Variants in BTN2A1 observed in about 807,000 individuals in gnomAD.
BTN2A1 encodes butyrophilin subfamily 2 member A1, also known as butyrophilin, subfamily 2, member A1.
Under a neutral mutation model 34.5 loss-of-function variants are expected in BTN2A1, and 41 were observed. The observed-to-expected ratio is 1.19, with a 90% CI of 0.93 to 1.54. The LOEUF (loss-of-function observed/expected upper bound fraction) is 1.54. BTN2A1 is among the 40% of genes most tolerant of loss of function. BTN2A1 has a pLI of 0.00. For missense variants in BTN2A1, 642 were observed against 662.0 expected (o/e 0.97, Z 0.33); for synonymous variants, 267 against 258.6 (o/e 1.03, Z -0.31).
At chr6:26,476,105 C>T in intron 7 of BTN2A1, 8 of 1,534,704 alleles carry the variant, frequency 5.2e-6, no homozygotes, top group Non-Finnish European at 7.0e-6. Context: ...TCTCCTATGT[C>T]TCCTTTTGAG....
At chr6:26,467,906 G>T (rs190622395) in intron 7 of BTN2A1, 42 bp from the exon 8 acceptor site, 39 of 1,590,860 alleles carry the variant, frequency 2.5e-5, no homozygotes, top group Non-Finnish European at 3.1e-5. Context: ...AATCCCCAGG[G>T]TTCCTGAGAC....
Position 26,468,196 on chromosome 6 carries a change from G to C in BTN2A1, c.1231G>C (p.Gly411Arg). The C allele has an allele frequency of 6.2e-7, 1 of 1,614,204 alleles. No individual in the cohort carries two copies. The highest frequency in any genetic ancestry group is 8.5e-7 in the Non-Finnish European group (1 of 1,180,042). The change falls in exon 8 of 8, where the codon GGG (glycine) becomes CGG (arginine). Residue 411 changes from glycine to arginine, a missense_variant. Coordinates refer to ENST00000312541, the MANE Select transcript of BTN2A1 (RefSeq NM_007049.5). ...GVCRDSVERK[G>R]EVLLIPQNGF... ...CTGTAGAGACAGTGTTGAGAGGAAA[G>C]GGGAGGTCCTGCTGATTCCTCAGAA...
At chr6:26,472,704 C>T (rs374456717), downstream of BTN2A1, among the ~76,000 whole-genome samples, 7 of 152,244 alleles carry the variant, frequency 4.6e-5, no homozygotes, top group East Asian at 9.7e-4. Context: ...CTTATACCCA[C>T]GTTCAGCAGT....
exon 8 of BTN2A1, chr6:26,476,344 A>C (rs1763538120): frequency 1.3e-6 from 1 of 763,132 alleles, no homozygotes; most frequent in South Asian, 1.4e-5. Context: ...ACAGACTCAC[A>C]CCAGTATCTT....
intron 5 of BTN2A1, 173 bp from the exon 6 acceptor site, chr6:26,465,780 G>C (rs1763296094): frequency 1.0e-6 from 1 of 981,332 alleles, no homozygotes; most frequent in Admixed American, 6.1e-5. Context: ...CAATGTGCTG[G>C]TACTACCCAG....
Position 26,459,465 on chromosome 6 carries a change from C to A in BTN2A1, c.83-16C>A, listed in dbSNP as rs370801721. On this transcript the variant is annotated splice_polypyrimidine_tract_variant and intron_variant, in intron 2 of 7. Coordinates refer to ENST00000312541, the MANE Select transcript of BTN2A1 (RefSeq NM_007049.5). Reference sequence around the variant, plus strand: ...TGGCTGGTGTCTTTGTCTGACTCTACCCCTTTGTTGAACAGCCCAGTTTAT... The same window carrying A: ...TGGCTGGTGTCTTTGTCTGACTCTAACCCTTTGTTGAACAGCCCAGTTTAT... 2.6e-5 allele frequency: 42 copies of A among 1,610,444 alleles called. No homozygotes were observed. Among genetic ancestry groups the A allele is most frequent in the East Asian group, 4.5e-5 (2 of 44,830 alleles).
chr6:26,465,985 CT>C lies in BTN2A1; in HGVS notation c.955+15del, dbSNP rs1763302958. On this transcript the variant is annotated intron_variant, in intron 6 of 7. Transcript: ENST00000312541. ...TCAAGAAGAATTGCGTAAGTTTAGC[CT>C]TTCCTTAACTACATGTACAATTTGA... 1.2e-6 allele frequency: 2 copies of C among 1,614,106 alleles called. No individual in the cohort carries two copies. The highest frequency in any genetic ancestry group is 1.7e-6 in the Non-Finnish European group (2 of 1,180,028).
At chr6:26,461,951 A>C (rs6941966) in intron 3 of BTN2A1, among the ~76,000 whole-genome samples, 1 of 152,016 alleles carries the variant, frequency 6.6e-6, no homozygotes, top group Non-Finnish European at 1.5e-5. Flanking sequence ...ACCCTCAGAA[A>C]TCGAGGATGC....
chr6:26,468,098 G>A lies in BTN2A1; in HGVS notation c.1133G>A (p.Arg378Gln), dbSNP rs3734542. The A allele has an allele frequency of 0.091, 147,177 of 1,614,192 alleles. 8,046 individuals carry two copies. The highest frequency in any genetic ancestry group is 0.11 in the Non-Finnish European group (129,911 of 1,180,016). Residue 378 changes from arginine to glutamine, a missense_variant, in exon 8 of 8, where the codon CGG (arginine) becomes CAG (glutamine). Arg to Gln is a conservative substitution (Grantham distance 43). Transcript: ENST00000312541. ...GACAGTCAGCCTTGTGTCCTAGGCC[G>A]GGAGAGCTTCGCTTCAGGGAAACAT... ...RFDSQPCVLG[R>Q]ESFASGKHYW...
Position 26,469,065 on chromosome 6 carries a change from C to G in BTN2A1, c.*516C>G. The G allele has an allele frequency of 8.8e-7, 1 of 1,141,364 alleles. No homozygotes were observed. Among genetic ancestry groups the G allele is most frequent in the Middle Eastern group, 4.1e-4 (1 of 2,460 alleles). 70.7% of individuals were successfully genotyped at this position (1,141,364 alleles called of 1,614,324 possible). A position where few individuals can be genotyped will look rare whatever the true frequency, so the allele number is the denominator to read the frequency against. On this transcript the variant is annotated 3_prime_UTR_variant, in exon 8 of 8. Transcript: ENST00000312541. ...ACCAAGGTTGTAAGGGTGGCTAAGT[C>G]CCACCATAACAGCTAAGGGGACCTG...
chr6:26,475,827 A>G (rs1394548139), intron 7 of BTN2A1, among the ~76,000 whole-genome samples: 2 of 152,192 alleles, frequency 1.3e-5, no homozygotes, highest in African/African-American at 4.8e-5. Context: ...TGCAAACAGA[A>G]GAGCATTTAT....
downstream of BTN2A1, among the ~76,000 whole-genome samples, chr6:26,471,800 TGAG>T (rs202071349): frequency 2.4e-3 from 361 of 152,272 alleles, no homozygotes; most frequent in Middle Eastern, 0.01. Context: ...ACATTAAGGT[TGAG>T]GAGTCTATAT....
In BTN2A1 at chr6:26,459,685, C is replaced by T. The variant is rs764544705; in HGVS notation, c.287C>T (p.Thr96Ile). 2 of 1,614,118 alleles carry T rather than the reference C, an allele frequency of 1.2e-6. No homozygotes were observed. The highest frequency in any genetic ancestry group is 1.7e-6 in the Non-Finnish European group (2 of 1,180,016). Residue 96 changes from threonine (T) to isoleucine (I), a missense_variant, in exon 3 of 8, where the codon ACC (threonine) becomes ATC (isoleucine). Transcript: ENST00000312541. The part of the protein sequence containing the change: ...EEQMEEYRGR[T>I]TFVSKDISRG... ...CAGATGGAGGAGTACCGAGGAAGAA[C>T]CACCTTTGTGAGCAAAGACATCAGC... is the stretch of plus-strand genomic sequence containing the variant.
intron 3 of BTN2A1, chr6:26,462,890 A>G (rs746822698): frequency 3.5e-5 from 45 of 1,273,816 alleles, no homozygotes; most frequent in Non-Finnish European, 4.3e-5. Flanking sequence ...CGACACACCC[A>G]TCTCAAAGTG....
chr6:26,472,266 C>A (rs866861913), downstream of BTN2A1, among the ~76,000 whole-genome samples: 1 of 152,168 alleles, frequency 6.6e-6, no homozygotes, highest in African/African-American at 2.4e-5. Flanking sequence ...CTTAAATAAT[C>A]TGTCTGATAA....
chr6:26,463,775 G>T (rs113532248), intron 4 of BTN2A1, among the ~76,000 whole-genome samples: 1 of 146,700 alleles, frequency 6.8e-6, no homozygotes, highest in Non-Finnish European at 1.5e-5. Context: ...TGTTGTTGTT[G>T]TTTTTCCCCC....
In BTN2A1 at chr6:26,467,864, T is replaced by C. The variant is rs1312315785; in HGVS notation, c.983-84T>C. The C allele has an allele frequency of 5.8e-6, 9 of 1,565,030 alleles. No individual in the cohort carries two copies. In the African/African-American group the frequency reaches 6.8e-5, roughly 12 times the overall value. ...CTACGTGGGGATCCCTTCAGAGATA[T>C]CTGAGACCTCTCTGGGGATCAGGAA... is the stretch of plus-strand genomic sequence containing the variant. On this transcript the variant is annotated intron_variant, in intron 7 of 7. Transcript: ENST00000312541.
intron 7 of BTN2A1, 132 bp downstream of exon 7, chr6:26,466,220 C>T (rs533559947): frequency 1.5e-6 from 2 of 1,343,432 alleles, no homozygotes; most frequent in African/African-American, 2.9e-5. Context: ...AGTTCATCAA[C>T]AGTGTCCCAG....
At chr6:26,463,119 T>C in intron 3 of BTN2A1, 125 bp from the exon 4 acceptor site, 1 of 1,217,702 alleles carries the variant, frequency 8.2e-7, no homozygotes, top group Non-Finnish European at 1.1e-6. Context: ...TCTTCCTTCC[T>C]ATTTCTTGTT....
Sources: allele counts gnomAD v4.1 joint callset (sites outside exome capture counted in the v4.1 genomes callset), GRCh38; gene constraint gnomAD v4.1.1; transcripts MANE v1.5; gene names NCBI Gene and HGNC (gene_info 2026-07-23, HGNC 2026-07-21).